EFCAB8: variants seen among roughly 807,000 people sequenced by gnomAD.
EFCAB8 encodes the protein EF-hand calcium-binding domain-containing protein 8.
EFCAB8 carries 100 observed loss-of-function variants against 116.3 expected under a neutral mutation model. The ratio of observed to expected loss-of-function variants is 0.86; its 90% confidence interval spans 0.73 to 1.02. EFCAB8 has a LOEUF of 1.02. Among genes scored for constraint, EFCAB8 ranks in the 50% least tolerant of loss-of-function variants. EFCAB8 has a pLI of 0.00. For synonymous variants in EFCAB8, 558 were observed against 567.9 expected (o/e 0.98, Z 0.25); for missense variants, 1,320 against 1,416.9 (o/e 0.93, Z 1.10).
intron 11 of EFCAB8, among the ~76,000 whole-genome samples, 178 bp from the exon 12 acceptor site, chr20:32,906,384 G>GCCACCA (rs1380327415): frequency 3.9e-5 from 6 of 152,086 alleles, no homozygotes; most frequent in Admixed American, 2.0e-4. Flanking sequence ...CTTGGCTGCA[G>GCCACCA]GGTGAACCCT....
In EFCAB8 at chr20:32,897,811, G is replaced by C. The variant is rs113177878; in HGVS notation, c.958-682G>C. Among the ~76,000 whole-genome samples the C allele has an allele frequency of 6.9e-3, 1,046 of 152,230 alleles. 16 individuals carry two copies. Among genetic ancestry groups the C allele is most frequent in the African/African-American group, 0.024 (981 of 41,528 alleles). On this transcript the variant is annotated intron_variant, in intron 10 of 26. Transcript: ENST00000400522. ...GCCTTCATTGCGACAGATGCTTGGTGACAGTGTGTGTAAAACCCAGCTCAG... is the reference window on the plus strand; with the variant it reads ...GCCTTCATTGCGACAGATGCTTGGTCACAGTGTGTGTAAAACCCAGCTCAG...
At chr20:32,874,370 A>G (rs1984842653) in intron 3 of EFCAB8, among the ~76,000 whole-genome samples, 1 of 151,890 alleles carries the variant, frequency 6.6e-6, no homozygotes, top group South Asian at 2.1e-4. Flanking sequence ...CTACAGGCTC[A>G]CGCCACTACA....
At chr20:32,910,146 G>A (rs768761441) in intron 15 of EFCAB8, among the ~76,000 whole-genome samples, 1 of 152,204 alleles carries the variant, frequency 6.6e-6, no homozygotes, top group Admixed American at 6.5e-5. Flanking sequence ...CCATCCGTTA[G>A]CCATGGGATC....
At chr20:32,882,687 A>ATTT (rs1358928365) in intron 5 of EFCAB8, among the ~76,000 whole-genome samples, 3 of 150,528 alleles carry the variant, frequency 2.0e-5, no homozygotes, top group Non-Finnish European at 4.4e-5. Flanking sequence ...CGCCTGGCCG[A>ATTT]TTTTTTGTTG....
chr20:32,928,161 C>A (rs991438907), intron 20 of EFCAB8, among the ~76,000 whole-genome samples: 1 of 152,068 alleles, frequency 6.6e-6, no homozygotes, highest in African/African-American at 2.4e-5. Flanking sequence ...TTTTTTGACA[C>A]TATTGTCAAT....
At chr20:32,892,745 C>T (rs1037965456) in intron 8 of EFCAB8, among the ~76,000 whole-genome samples, 4 of 152,032 alleles carry the variant, frequency 2.6e-5, no homozygotes, top group African/African-American at 4.8e-5. Flanking sequence ...TGGGCAAGGC[C>T]GGAAAGTGTT....
intron 14 of EFCAB8, 112 bp downstream of exon 14, chr20:32,908,524 GA>G (rs765445756): frequency 8.8e-7 from 1 of 1,137,188 alleles, no homozygotes; most frequent in East Asian, 3.2e-5. Flanking sequence ...TGGGACTGCT[GA>G]AGCGGCTAGA....
In EFCAB8 at chr20:32,908,361, C is replaced by T. The variant is rs561424262; in HGVS notation, c.1395C>T (p.Thr465=). The change falls in exon 14 of 27, where the codon ACC becomes ACT. Residue 465 remains threonine, a synonymous_variant. Transcript: ENST00000400522. ...KFFALGNCPI[T]SAYFFEKDNT... is the part of the protein sequence containing the mutation. ...TTGCTCTGGGAAACTGCCCCATCACCAGTGCCTACTTCTTCGAGAAGGACA... is the reference window on the plus strand; with the variant it reads ...TTGCTCTGGGAAACTGCCCCATCACTAGTGCCTACTTCTTCGAGAAGGACA... The T allele has an allele frequency of 1.3e-4, 168 of 1,249,998 alleles. No homozygotes were observed. Among genetic ancestry groups the T allele is most frequent in the Middle Eastern group, 4.1e-4 (2 of 4,842 alleles). The allele number at this position is 1,249,998 out of a possible 1,614,324, so 77.4% of individuals were successfully genotyped here. A position where few individuals can be genotyped will look rare whatever the true frequency, so the allele number is the denominator to read the frequency against.
At chr20:32,959,475 G>A (rs1312380810) in intron 24 of EFCAB8, among the ~76,000 whole-genome samples, 1 of 152,190 alleles carries the variant, frequency 6.6e-6, no homozygotes, top group African/African-American at 2.4e-5. Context: ...GGGGCAGGGG[G>A]CAGACATGTT....
chr20:32,935,362 G>A (rs1200600803), intron 22 of EFCAB8, among the ~76,000 whole-genome samples: 10 of 149,620 alleles, frequency 6.7e-5, no homozygotes, highest in African/African-American at 2.5e-4. Context: ...TACCACACCC[G>A]GCTAATTTTG....
At chr20:32,942,967 T>C (rs969071640) in intron 22 of EFCAB8, among the ~76,000 whole-genome samples, 1 of 152,226 alleles carries the variant, frequency 6.6e-6, no homozygotes, top group Non-Finnish European at 1.5e-5. Context: ...CATTGCTTTG[T>C]TTAAAATTTA....
chr20:32,860,159 T>C (rs1247233264), intron 1 of EFCAB8, among the ~76,000 whole-genome samples: 1 of 152,124 alleles, frequency 6.6e-6, no homozygotes, highest in East Asian at 1.9e-4. Flanking sequence ...AATACGAAAG[T>C]TAGCTGGGCA....
chr20:32,869,373 T>C (rs1181992463), intron 3 of EFCAB8, among the ~76,000 whole-genome samples: 1 of 152,098 alleles, frequency 6.6e-6, no homozygotes, highest in Non-Finnish European at 1.5e-5. Flanking sequence ...GTAGCTGGGA[T>C]TACTGGTATG....
chr20:32,891,418 A>G (rs1008907534), intron 7 of EFCAB8, among the ~76,000 whole-genome samples: 7 of 152,140 alleles, frequency 4.6e-5, no homozygotes, highest in African/African-American at 1.7e-4. Flanking sequence ...GGGTTTCACC[A>G]TGTTGGCCAG....
chr20:32,961,180 G>GC lies in EFCAB8; in HGVS notation c.3440dup (p.Thr1148AspfsTer5). The GC allele has an allele frequency of 6.4e-7, 1 of 1,552,226 alleles. No individual in the cohort carries two copies. Among genetic ancestry groups the GC allele is most frequent in the Non-Finnish European group, 8.7e-7 (1 of 1,147,098 alleles). On this transcript the variant is annotated frameshift_variant, in exon 27 of 27. Coordinates refer to ENST00000400522, the MANE Select transcript of EFCAB8 (RefSeq NM_001143967.2). LOFTEE classifies it low-confidence loss of function (END_TRUNC). ...AAAGCCTGCACTTCAGTGATCTGAT[G>GC]CCGACTCAGCAGCCTGACTTCCTGA... is the stretch of plus-strand genomic sequence containing the variant.
chr20:32,929,988 G>C (rs1222392233), intron 20 of EFCAB8, among the ~76,000 whole-genome samples: 1 of 152,176 alleles, frequency 6.6e-6, no homozygotes, highest in African/African-American at 2.4e-5. Flanking sequence ...GGAAAATATG[G>C]ATATTTCACT....
intron 11 of EFCAB8, among the ~76,000 whole-genome samples, chr20:32,902,589 A>G (rs894011338): frequency 6.6e-6 from 1 of 152,168 alleles, no homozygotes; most frequent in Non-Finnish European, 1.5e-5. Flanking sequence ...TACACAAAAT[A>G]TTTAAAAATT....
At chr20:32,869,493 C>G (rs928605779) in intron 3 of EFCAB8, among the ~76,000 whole-genome samples, 1 of 152,204 alleles carries the variant, frequency 6.6e-6, no homozygotes, top group South Asian at 2.1e-4. Context: ...GCCTTAGCCT[C>G]CCAAAGTGCT....
chr20:32,896,304 G>C (rs577694165), intron 9 of EFCAB8, 150 bp from the exon 10 acceptor site: 1 of 624,330 alleles, frequency 1.6e-6, no homozygotes, highest in African/African-American at 1.8e-5. Flanking sequence ...AGCTCACCAG[G>C]ACACAGTGAG....
Sources: allele counts gnomAD v4.1 joint callset (sites outside exome capture counted in the v4.1 genomes callset), GRCh38; gene constraint gnomAD v4.1.1; transcripts MANE v1.5; gene names NCBI Gene and HGNC (gene_info 2026-07-23, HGNC 2026-07-21).